The following CHMP4B variants were observed in gnomAD, a reference collection of about 807,000 sequenced individuals.
CHMP4B encodes the protein charged multivesicular body protein 4B.
A neutral mutation model predicts 25.1 loss-of-function variants in CHMP4B; 1 was observed. That is an observed-to-expected ratio of 0.04 (90% CI 0.01 to 0.19). The LOEUF (loss-of-function observed/expected upper bound fraction) is 0.19. CHMP4B is among the 10% of genes least tolerant of loss of function. The probability of loss-of-function intolerance (pLI) is 1.00; values close to 1 mark genes in which losing one functional copy is unlikely to be tolerated. For synonymous variants in CHMP4B, 101 were observed against 115.6 expected (o/e 0.87, Z 0.81); for missense variants, 151 against 289.7 (o/e 0.52, Z 3.48).
intron 1 of CHMP4B, among the ~76,000 whole-genome samples, chr20:33,813,919 G>C (rs758307864): frequency 2.6e-5 from 4 of 152,168 alleles, no homozygotes; most frequent in Admixed American, 2.0e-4. Flanking sequence ...TTTTAGTAGA[G>C]ATGGGGTTTC....
chr20:33,825,129 A>G (rs1979058854), intron 1 of CHMP4B, among the ~76,000 whole-genome samples: 1 of 152,186 alleles, frequency 6.6e-6, no homozygotes, highest in African/African-American at 2.4e-5. Flanking sequence ...ACTCTGATCA[A>G]CCCATAGTCC....
At chr20:33,833,796 C>G (rs1979319462) in intron 1 of CHMP4B, among the ~76,000 whole-genome samples, 1 of 152,190 alleles carries the variant, frequency 6.6e-6, no homozygotes. Context: ...TTTCCCCCCT[C>G]TAGGCATCCA....
chr20:33,811,403 C>T lies in CHMP4B; in HGVS notation c.-66C>T, dbSNP rs913930540. 7.5e-7 allele frequency: 1 copy of T among 1,330,538 alleles called. No individual in the cohort carries two copies. The highest frequency in any genetic ancestry group is 9.7e-7 in the Non-Finnish European group (1 of 1,034,736). 82.4% of individuals were successfully genotyped at this position (1,330,538 alleles called of 1,614,324 possible). A position where few individuals can be genotyped will look rare whatever the true frequency, so the allele number is the denominator to read the frequency against. On this transcript the variant is annotated 5_prime_UTR_variant, in exon 1 of 5. Coordinates refer to ENST00000217402, the MANE Select transcript of CHMP4B (RefSeq NM_176812.5). Reference sequence around the variant, plus strand: ...GACTGGGAGCGGGCGCCGGAGCCGACCCGAGCCGAGCCGAGCCGAGCCGAG... The same window carrying T: ...GACTGGGAGCGGGCGCCGGAGCCGATCCGAGCCGAGCCGAGCCGAGCCGAG...
chr20:33,842,121 A>G (rs1474952790), intron 1 of CHMP4B, among the ~76,000 whole-genome samples: 4 of 152,276 alleles, frequency 2.6e-5, no homozygotes, highest in African/African-American at 4.8e-5. Flanking sequence ...TCTTGATGCC[A>G]TGATCGTAAC....
chr20:33,837,966 C>T (rs1248859505), intron 1 of CHMP4B, among the ~76,000 whole-genome samples: 1 of 152,190 alleles, frequency 6.6e-6, no homozygotes, highest in Non-Finnish European at 1.5e-5. Flanking sequence ...CTAATCCGCC[C>T]TTCTTGTGTC....
At position 33,832,754 on chromosome 20, in the gene CHMP4B, T is replaced by C. The variant is rs909829659; in HGVS notation, c.191-15713T>C. ...TAGGTTACCTTTGAATCCTGTGCTC[T>C]TTATAGTTTTACAATAAATGATTTT... On this transcript the variant is annotated intron_variant, in intron 1 of 4. Transcript: ENST00000217402. 1.1e-4 allele frequency among the ~76,000 whole-genome samples: 17 copies of C among 150,866 alleles called. 1 individual carries two copies. The highest frequency in any genetic ancestry group is 1.5e-5 in the Non-Finnish European group (1 of 67,936).
chr20:33,834,395 C>G (rs1173133129), intron 1 of CHMP4B, among the ~76,000 whole-genome samples: 1 of 152,126 alleles, frequency 6.6e-6, no homozygotes, highest in Non-Finnish European at 1.5e-5. Flanking sequence ...ACTGCAGCCT[C>G]AAACTCCTGG....
At chr20:33,839,383 C>CATTT (rs1979473645) in intron 1 of CHMP4B, among the ~76,000 whole-genome samples, 1 of 152,168 alleles carries the variant, frequency 6.6e-6, no homozygotes, top group Non-Finnish European at 1.5e-5. Context: ...TTAGGGTAGA[C>CATTT]GTGAGGGAAG....
chr20:33,848,971 G>T (rs1979764064), intron 2 of CHMP4B, among the ~76,000 whole-genome samples: 1 of 152,214 alleles, frequency 6.6e-6, no homozygotes, highest in Non-Finnish European at 1.5e-5. Context: ...AAGCGGATTT[G>T]CCCTGTGTGA....
In CHMP4B at chr20:33,854,047, T is replaced by C. The variant is rs543322188; in HGVS notation, c.*487T>C. ...CCCTTAGCTGTAATAATGCATCTGA[T>C]TTTGATTTCCTCCAGAGCTGTGTTT... On this transcript the variant is annotated 3_prime_UTR_variant, in exon 5 of 5. Coordinates refer to ENST00000217402, the MANE Select transcript of CHMP4B (RefSeq NM_176812.5). 8 of 211,374 alleles carry C rather than the reference T, an allele frequency of 3.8e-5. No homozygotes were observed. In the East Asian group the frequency reaches 9.6e-4, roughly 25 times the overall value. The allele number at this position is 211,374 out of a possible 1,614,324, so 13.1% of individuals were successfully genotyped here. A position where few individuals can be genotyped will look rare whatever the true frequency, so the allele number is the denominator to read the frequency against.
chr20:33,812,171 A>C (rs935674424), intron 1 of CHMP4B, among the ~76,000 whole-genome samples: 6 of 152,140 alleles, frequency 3.9e-5, no homozygotes, highest in Admixed American at 1.3e-4. Flanking sequence ...TGGAGAGAAA[A>C]GGGGACTGGG....
chr20:33,852,413 G>C (rs1041646544), intron 4 of CHMP4B, among the ~76,000 whole-genome samples: 14 of 146,724 alleles, frequency 9.5e-5, no homozygotes, highest in African/African-American at 3.5e-4. Context: ...TTTCTCTCTG[G>C]AACAGTGTTT....
intron 1 of CHMP4B, 139 bp from the exon 2 acceptor site, chr20:33,848,328 G>C (rs1979745282): frequency 3.6e-6 from 3 of 836,194 alleles, no homozygotes; most frequent in Non-Finnish European, 6.0e-6. Flanking sequence ...TGTGCTCTTT[G>C]TGTAGAATTT....
Position 33,852,187 on chromosome 20 carries a change from C to T in CHMP4B, c.594C>T (p.Ala198=), listed in dbSNP as rs1176139857. Residue 198 remains alanine (A), a synonymous_variant, in exon 4 of 5, where the codon GCC becomes GCT. Coordinates refer to ENST00000217402, the MANE Select transcript of CHMP4B (RefSeq NM_176812.5). ...TVPLPNVPSI[A]LPSKPAKKKE... ...CTCTACCAAATGTTCCCTCTATAGC[C>T]CTACCATCAAAACCCGGTGAGTGCT... 1 of 1,614,000 alleles carries T rather than the reference C, an allele frequency of 6.2e-7. No individual in the cohort carries two copies. Among genetic ancestry groups the T allele is most frequent in the Admixed American group, 1.7e-5 (1 of 60,006 alleles).
chr20:33,845,301 C>T (rs1979656937), intron 1 of CHMP4B, among the ~76,000 whole-genome samples: 2 of 152,006 alleles, frequency 1.3e-5, no homozygotes, highest in South Asian at 2.1e-4. Flanking sequence ...TCAGCAGGCT[C>T]TTGGAAGGCC....
At chr20:33,811,679 C>T (rs1409703366) in intron 1 of CHMP4B, 21 bp downstream of exon 1, 1 of 1,609,946 alleles carries the variant, frequency 6.2e-7, no homozygotes, top group African/African-American at 1.3e-5. Context: ...CCGGCCCCTT[C>T]AGACTTGCCA....
In CHMP4B at chr20:33,848,648, C is replaced by T. The variant is rs201154438; in HGVS notation, c.368+4C>T. 5.0e-6 allele frequency: 8 copies of T among 1,614,148 alleles called. No homozygotes were observed. Among genetic ancestry groups the T allele is most frequent in the African/African-American group, 4.0e-5 (3 of 75,062 alleles). On this transcript the variant is annotated splice_donor_region_variant and intron_variant, in intron 2 of 4. Transcript: ENST00000217402. ...TGAAGGCGGCCCATGACAACATGTA[C>T]GTGTCCACCCGCCCCTGCGCCACAG... is the stretch of plus-strand genomic sequence containing the variant.
At chr20:33,820,021 A>AC (rs984659786) in intron 1 of CHMP4B, among the ~76,000 whole-genome samples, 23 of 151,778 alleles carry the variant, frequency 1.5e-4, no homozygotes, top group Admixed American at 7.9e-4. Context: ...CAAAAAAAAA[A>AC]ACCAAAATTA....
intron 1 of CHMP4B, among the ~76,000 whole-genome samples, chr20:33,845,775 C>G (rs1979673292): frequency 6.6e-6 from 1 of 152,154 alleles, no homozygotes; most frequent in Non-Finnish European, 1.5e-5. Context: ...TAGGGTATGG[C>G]TTTTGTGGAA....
Sources: gnomAD v4.1 joint callset for allele counts (sites outside exome capture counted in the v4.1 genomes callset) on GRCh38, gnomAD v4.1.1 for gene constraint, MANE v1.5 for transcripts, NCBI Gene and HGNC (gene_info 2026-07-23, HGNC 2026-07-21) for gene names.